The following ADGRL3 variants were observed in gnomAD, a reference collection of about 807,000 sequenced individuals.
ADGRL3 encodes the protein adhesion G protein-coupled receptor L3, also known as calcium-independent alpha-latrotoxin receptor 3.
A neutral mutation model predicts 153.5 loss-of-function variants in ADGRL3; 62 were observed. The observed-to-expected ratio is 0.40, with a 90% CI of 0.33 to 0.50. ADGRL3 has a LOEUF of 0.50. Ranked by LOEUF, ADGRL3 falls within the 20% of genes least tolerant of loss-of-function variation. The pLI, the probability that ADGRL3 is intolerant of heterozygous loss-of-function variation, is 0.47. For missense variants in ADGRL3, 1,641 were observed against 1,859.4 expected, an observed-to-expected ratio of 0.88 and a Z score of 2.16; for synonymous variants, 710 against 672.5, an observed-to-expected ratio of 1.06 and a Z score of -0.86.
chr4:61,829,442 T>C (rs574499577), intron 9 of ADGRL3, among the ~76,000 whole-genome samples: 6 of 152,276 alleles, frequency 3.9e-5, no homozygotes, highest in Admixed American at 2.6e-4. Context: ...AGTGGGAAAA[T>C]GTGAATAACA....
chr4:61,574,932 A>G (rs2098862231), intron 4 of ADGRL3, among the ~76,000 whole-genome samples: 1 of 151,826 alleles, frequency 6.6e-6, no homozygotes, highest in Admixed American at 6.6e-5. Flanking sequence ...ATATATTATT[A>G]TTAATGTTTG....
chr4:61,520,682 G>GTGTGTGTGTGTGTGTGTGTC (rs763505931), intron 4 of ADGRL3, among the ~76,000 whole-genome samples: 3,671 of 123,100 alleles, frequency 0.03, 89 homozygotes, highest in African/African-American at 0.046. Context: ...GTGTGTGTGT[G>GTGTGTGTGTGTGTGTGTGTC]TGTCTGTCTG....
intron 25 of ADGRL3, among the ~76,000 whole-genome samples, chr4:62,065,239 T>A (rs576809731): frequency 2.6e-5 from 4 of 152,204 alleles, no homozygotes; most frequent in Admixed American, 2.6e-4. Context: ...TAACCTGTCT[T>A]CCTTTAGTCT....
intron 1 of ADGRL3, among the ~76,000 whole-genome samples, chr4:61,309,563 A>G (rs1049537582): frequency 2.6e-5 from 4 of 152,168 alleles, no homozygotes; most frequent in African/African-American, 9.7e-5. Context: ...ATAGTATAGT[A>G]AGCTTTTCAC....
intron 11 of ADGRL3, among the ~76,000 whole-genome samples, chr4:61,900,853 T>C (rs989986975): frequency 2.0e-5 from 3 of 152,218 alleles, no homozygotes; most frequent in African/African-American, 4.8e-5. Flanking sequence ...CCAGTTTTTA[T>C]TGAAAGCCAA....
intron 8 of ADGRL3, among the ~76,000 whole-genome samples, chr4:61,765,303 G>A (rs2096963337): frequency 6.6e-6 from 1 of 152,108 alleles, no homozygotes; most frequent in African/African-American, 2.4e-5. Flanking sequence ...CTGGTGTCTG[G>A]AATGAGACTG....
At chr4:61,927,642 T>G (rs1443635841) in intron 13 of ADGRL3, among the ~76,000 whole-genome samples, 1 of 152,126 alleles carries the variant, frequency 6.6e-6, no homozygotes, top group Non-Finnish European at 1.5e-5. Flanking sequence ...TCACTCAACT[T>G]GACTTGTAAT....
At chr4:61,325,316 A>G (rs2095442387) in intron 1 of ADGRL3, among the ~76,000 whole-genome samples, 1 of 152,188 alleles carries the variant, frequency 6.6e-6, no homozygotes, top group African/African-American at 2.4e-5. Context: ...ATTTCAAAAA[A>G]ACAAAAACAA....
intron 5 of ADGRL3, among the ~76,000 whole-genome samples, chr4:61,615,928 A>G (rs551215570): frequency 6.6e-6 from 1 of 152,246 alleles, no homozygotes; most frequent in African/African-American, 2.4e-5. Flanking sequence ...GAGATAAGGA[A>G]CAAACTTGCT....
chr4:62,032,378 T>G (rs1279899872), intron 23 of ADGRL3, among the ~76,000 whole-genome samples: 2 of 151,524 alleles, frequency 1.3e-5, no homozygotes, highest in East Asian at 3.9e-4. Flanking sequence ...TTAACTTTAT[T>G]TAAAATGTGA....
In ADGRL3 at chr4:61,367,283, T is replaced by G. The variant is rs963981489; in HGVS notation, c.-239-15841T>G. Among the ~76,000 whole-genome samples, 9 of 150,876 alleles carry G rather than the reference T, an allele frequency of 6.0e-5. 1 individual carries two copies. The highest frequency in any genetic ancestry group is 2.2e-4 in the African/African-American group (9 of 41,252). On this transcript the variant is annotated intron_variant, in intron 1 of 26. Transcript: ENST00000683033. ...TTAAGTTTTAGGGTACATGTGCACATTGTGCAGGTTAGTTATATAAGTATA... is the reference window on the plus strand; with the variant it reads ...TTAAGTTTTAGGGTACATGTGCACAGTGTGCAGGTTAGTTATATAAGTATA...
intron 13 of ADGRL3, among the ~76,000 whole-genome samples, chr4:61,915,519 C>T (rs182579531): frequency 6.6e-6 from 1 of 152,068 alleles, no homozygotes; most frequent in East Asian, 1.9e-4. Context: ...AACACATGGT[C>T]ATTCAAACAT....
At chr4:61,227,211 T>C (rs899322216) in intron 1 of ADGRL3, among the ~76,000 whole-genome samples, 1 of 151,884 alleles carries the variant, frequency 6.6e-6, no homozygotes, top group Admixed American at 6.6e-5. Flanking sequence ...GCACCTCACT[T>C]TTTTTTTCTT....
intron 5 of ADGRL3, among the ~76,000 whole-genome samples, chr4:61,630,132 A>G (rs562431826): frequency 1.3e-5 from 2 of 152,168 alleles, no homozygotes; most frequent in Non-Finnish European, 1.5e-5. Flanking sequence ...ATTTTAGTGT[A>G]CTGTATAGAT....
chr4:61,430,049 CAT>C (rs1475244581), intron 2 of ADGRL3, among the ~76,000 whole-genome samples: 1 of 152,058 alleles, frequency 6.6e-6, no homozygotes, highest in Non-Finnish European at 1.5e-5. Flanking sequence ...TCTTCTAAAA[CAT>C]AGCAAAATCT....
chr4:61,597,726 C>T (rs1433426016), intron 5 of ADGRL3, among the ~76,000 whole-genome samples: 1 of 151,068 alleles, frequency 6.6e-6, no homozygotes, highest in Non-Finnish European at 1.5e-5. Context: ...ATGGTATAGC[C>T]TTCAGGTTTT....
intron 6 of ADGRL3, among the ~76,000 whole-genome samples, chr4:61,710,799 C>G (rs1474698402): frequency 2.0e-5 from 3 of 152,122 alleles, no homozygotes; most frequent in Non-Finnish European, 2.9e-5. Flanking sequence ...CGACAACACT[C>G]TAATATACTT....
chr4:61,472,867 A>G (rs2097980295), intron 2 of ADGRL3, among the ~76,000 whole-genome samples: 1 of 152,082 alleles, frequency 6.6e-6, no homozygotes, highest in African/African-American at 2.4e-5. Context: ...TCATATGTAA[A>G]GTGAAGTACT....
chr4:61,613,598 G>A (rs2091644846), intron 5 of ADGRL3, among the ~76,000 whole-genome samples: 1 of 152,052 alleles, frequency 6.6e-6, no homozygotes, highest in Admixed American at 6.6e-5. Flanking sequence ...ACAAAATTTA[G>A]CTGGGTGTGG....
Sources: allele counts gnomAD v4.1 joint callset (sites outside exome capture counted in the v4.1 genomes callset), GRCh38; gene constraint gnomAD v4.1.1; transcripts MANE v1.5; gene names NCBI Gene and HGNC (gene_info 2026-07-23, HGNC 2026-07-21).